Variants in GREB1 observed in about 807,000 individuals in gnomAD.
GREB1 encodes the protein protein GREB1.
A neutral mutation model predicts 200.7 loss-of-function variants in GREB1; 106 were observed. That is an observed-to-expected ratio of 0.53 (90% CI 0.45 to 0.62). The LOEUF (loss-of-function observed/expected upper bound fraction) is 0.62. Among genes scored for constraint, GREB1 ranks in the 20% least tolerant of loss-of-function variants. The pLI is 0.00. For synonymous variants in GREB1, 1,132 were observed against 1,092.4 expected (o/e 1.04, Z -0.72); for missense variants, 2,243 against 2,556.8 (o/e 0.88, Z 2.65).
chr2:11,506,735 A>G (rs986238911), intron 1 of GREB1, among the ~76,000 whole-genome samples: 4 of 152,186 alleles, frequency 2.6e-5, no homozygotes, highest in African/African-American at 9.6e-5. Context: ...GGGAACTGGC[A>G]GAATGACCAG....
Position 11,493,408 on chromosome 2 carries a change from G to C in GREB1, c.-159+11027G>C, listed in dbSNP as rs2148409499. Reference sequence around the variant, plus strand: ...TCCCTTGTAGGCGCAGTTCACAATAGGGTTTGAGCTCCTATGAGAATCTGA... The same window carrying C: ...TCCCTTGTAGGCGCAGTTCACAATACGGTTTGAGCTCCTATGAGAATCTGA... On this transcript the variant is annotated intron_variant, in intron 1 of 2. Transcript: ENST00000628795. The surrounding 1 kb of genome is among the most constrained non-coding windows in gnomAD (Gnocchi z 4.6). Among the ~76,000 whole-genome samples the C allele has an allele frequency of 6.6e-6, 1 of 152,290 alleles. No homozygotes were observed. Among genetic ancestry groups the C allele is most frequent in the South Asian group, 2.1e-4 (1 of 4,822 alleles).
Position 11,592,834 on chromosome 2 carries a change from C to T in GREB1, c.1404C>T (p.Arg468=), listed in dbSNP as rs1301352329. ...AGCAGATCTTCCTGCGCTCTTGGCG[C>T]GAGTCGCACCTGACCGAGATCCGGC... ...DLEQIFLRSW[R]ESHLTEIRQY... Residue 468 remains arginine, a synonymous_variant, in exon 11 of 33, where the codon CGC becomes CGT. Transcript: ENST00000381486. The T allele has an allele frequency of 3.1e-6, 5 of 1,592,092 alleles. No homozygotes were observed. The highest frequency in any genetic ancestry group is 1.1e-5 in the South Asian group (1 of 87,630).
At chr2:11,561,244 A>C (rs908864348) in intron 2 of GREB1, 1 of 152,080 alleles carries the variant, frequency 6.6e-6, no homozygotes, top group Non-Finnish European at 1.5e-5. Flanking sequence ...TGTTCTTATC[A>C]GTTTAAAAAA....
Position 11,625,305 on chromosome 2 carries a change from G to C in GREB1, c.4299G>C (p.Lys1433Asn). The change falls in exon 24 of 33, where the codon AAG becomes AAC. Residue 1433 changes from lysine (K) to asparagine (N), a missense_variant. By Grantham distance (94) the Lys-to-Asn change is moderately conservative. Transcript: ENST00000381486. ...SLICSHYQGIKSEDRGMSRKP... is the reference protein window; with the variant it reads ...SLICSHYQGINSEDRGMSRKP... ...TTTGTTCGCACTATCAGGGTATAAA[G>C]AGTGAAGGTCAGACTTTGAATCTCT... 3 of 1,614,128 alleles carry C rather than the reference G, an allele frequency of 1.9e-6. No homozygotes were observed. Among genetic ancestry groups the C allele is most frequent in the Non-Finnish European group, 2.5e-6 (3 of 1,179,992 alleles).
At chr2:11,532,635 C>T (rs1330324348), upstream of GREB1, among the ~76,000 whole-genome samples, 5 of 152,064 alleles carry the variant, frequency 3.3e-5, no homozygotes, top group South Asian at 2.1e-4. Context: ...TTCTGTGGGT[C>T]GTAATCAGAC....
chr2:11,494,250 G>A (rs957469350), intron 1 of GREB1, among the ~76,000 whole-genome samples: 5 of 152,236 alleles, frequency 3.3e-5, no homozygotes, highest in African/African-American at 9.6e-5. Context: ...CACTGAAGCC[G>A]TCTTCCCTGA....
intron 1 of GREB1, among the ~76,000 whole-genome samples, chr2:11,537,098 G>T (rs1439620945): frequency 6.6e-6 from 1 of 152,056 alleles, no homozygotes; most frequent in Non-Finnish European, 1.5e-5. Context: ...AAGTAACTGA[G>T]ATTACAGGCA....
At chr2:11,555,561 A>T (rs1185718996) in intron 1 of GREB1, among the ~76,000 whole-genome samples, 1 of 152,246 alleles carries the variant, frequency 6.6e-6, no homozygotes, top group Non-Finnish European at 1.5e-5. Flanking sequence ...GTGGGAATGA[A>T]GTATTGATTC....
chr2:11,542,966 C>T (rs1010992224), intron 1 of GREB1: 4 of 152,236 alleles, frequency 2.6e-5, no homozygotes, highest in African/African-American at 9.7e-5. Flanking sequence ...CAAATGCTTT[C>T]AGACAGGACC....
chr2:11,561,179 T>G (rs1676983575), intron 2 of GREB1: 1 of 152,174 alleles, frequency 6.6e-6, no homozygotes, highest in Admixed American at 6.5e-5. Context: ...ATTTCACTTA[T>G]AAAAAGCTTC....
chr2:11,626,013 T>C (rs1684423629), intron 24 of GREB1, among the ~76,000 whole-genome samples: 1 of 152,094 alleles, frequency 6.6e-6, no homozygotes, highest in Non-Finnish European at 1.5e-5. Flanking sequence ...GTGAAAATTA[T>C]TCAGTACCAT....
At chr2:11,507,416 A>AC (rs1439443881) in intron 1 of GREB1, among the ~76,000 whole-genome samples, 2 of 151,584 alleles carry the variant, frequency 1.3e-5, no homozygotes, top group Non-Finnish European at 2.9e-5. Context: ...AAAAAAAAAA[A>AC]AACCATAAAC....
chr2:11,510,423 A>G (rs1673316991), intron 1 of GREB1, among the ~76,000 whole-genome samples: 1 of 152,218 alleles, frequency 6.6e-6, no homozygotes, highest in Admixed American at 6.5e-5. Flanking sequence ...GCTAAGATCC[A>G]TGATTTCATT....
intron 3 of GREB1, among the ~76,000 whole-genome samples, chr2:11,564,603 T>C (rs960643774): frequency 1.3e-5 from 2 of 152,222 alleles, no homozygotes; most frequent in Admixed American, 6.5e-5. Context: ...CTGTGACTAC[T>C]CATGGCCTAC....
chr2:11,536,448 T>G (rs1353372598), intron 1 of GREB1, among the ~76,000 whole-genome samples: 1 of 152,208 alleles, frequency 6.6e-6, no homozygotes, highest in Non-Finnish European at 1.5e-5. Context: ...CTAGAGCATT[T>G]TGTTGGATAG....
At chr2:11,552,990 A>T in intron 1 of GREB1, among the ~76,000 whole-genome samples, 1 of 142,570 alleles carries the variant, frequency 7.0e-6, no homozygotes, top group South Asian at 2.3e-4. Flanking sequence ...AGCCTGGGCG[A>T]CAGAGCGAAA....
chr2:11,565,885 A>T (rs754016506), intron 3 of GREB1, among the ~76,000 whole-genome samples: 9 of 151,482 alleles, frequency 5.9e-5, no homozygotes, highest in Non-Finnish European at 1.2e-4. Context: ...TTGTGGATTT[A>T]TCTTGTTTAT....
chr2:11,513,064 C>G lies in GREB1; in HGVS notation c.-159+30683C>G, dbSNP rs549386516. Among the ~76,000 whole-genome samples, 3 of 152,236 alleles carry G rather than the reference C, an allele frequency of 2.0e-5. No homozygotes were observed. The East Asian group carries it at 5.8e-4, about 29-fold the overall frequency. Reference sequence around the variant, plus strand: ...AAACTTCTCTGTTCTGGAGCTGAAGCGCAAAGCTTAAAAAAATGGACTTAA... The same window carrying G: ...AAACTTCTCTGTTCTGGAGCTGAAGGGCAAAGCTTAAAAAAATGGACTTAA... On this transcript the variant is annotated intron_variant, in intron 1 of 2. Coordinates refer to the GREB1 transcript ENST00000628795.
chr2:11,628,716 C>A (rs1684649054), intron 25 of GREB1, among the ~76,000 whole-genome samples: 1 of 152,098 alleles, frequency 6.6e-6, no homozygotes, highest in Admixed American at 6.5e-5. Context: ...GGTGTCAGTC[C>A]CTACTCATCC....
Sources: allele counts gnomAD v4.1 joint callset (sites outside exome capture counted in the v4.1 genomes callset), GRCh38; gene constraint gnomAD v4.1.1; non-coding constraint Gnocchi (gnomAD v3.1); transcripts MANE v1.5; gene names NCBI Gene and HGNC (gene_info 2026-07-23, HGNC 2026-07-21).